The following VRK2 variants were observed in gnomAD, a reference collection of about 807,000 sequenced individuals.
The protein encoded by VRK2 is VRK serine/threonine kinase 2.
Under a neutral mutation model 57.6 loss-of-function variants are expected in VRK2, and 60 were observed. The ratio of observed to expected loss-of-function variants is 1.04; its 90% CI spans 0.85 to 1.29. The LOEUF (loss-of-function observed/expected upper bound fraction) is 1.29. Among genes scored for constraint, VRK2 ranks in the 50% most tolerant of loss-of-function variants. The pLI, the probability that VRK2 is intolerant of heterozygous loss-of-function variation, is 0.00. For synonymous variants in VRK2, 231 were observed against 199.2 expected (o/e 1.16, Z -1.35); for missense variants, 705 against 588.1 (o/e 1.20, Z -2.06).
At chr2:58,148,438 C>T (rs1447581815) in intron 12 of VRK2, among the ~76,000 whole-genome samples, 3 of 151,836 alleles carry the variant, frequency 2.0e-5, no homozygotes, top group African/African-American at 7.2e-5. Context: ...CCTCTCCTAG[C>T]ATGCGGCCTG....
chr2:58,028,303 C>T (rs1479532908), intron 2 of VRK2: 1 of 152,136 alleles, frequency 6.6e-6, no homozygotes, highest in Non-Finnish European at 1.5e-5. Context: ...TACAGCTCTA[C>T]ATCAAGGGTC....
At chr2:57,969,940 G>A (rs1215885981) in intron 1 of VRK2, among the ~76,000 whole-genome samples, 6 of 151,836 alleles carry the variant, frequency 4.0e-5, no homozygotes, top group Non-Finnish European at 5.9e-5. Context: ...CCTTGGTATG[G>A]ACGTGTTTCA....
intron 7 of VRK2, among the ~76,000 whole-genome samples, chr2:58,111,659 G>C (rs981758757): frequency 6.6e-6 from 1 of 152,048 alleles, no homozygotes; most frequent in Non-Finnish European, 1.5e-5. Flanking sequence ...TTACTACAAC[G>C]CAAATAATCA....
At chr2:58,125,750 A>G (rs1222534858) in intron 8 of VRK2, among the ~76,000 whole-genome samples, 1 of 152,130 alleles carries the variant, frequency 6.6e-6, no homozygotes, top group East Asian at 1.9e-4. Flanking sequence ...ATATATATGC[A>G]CATATGTACA....
intron 1 of VRK2, among the ~76,000 whole-genome samples, chr2:57,926,814 C>CCACTCT (rs1670554171): frequency 1.3e-5 from 2 of 151,264 alleles, no homozygotes. Context: ...ATCCATTCAG[C>CCACTCT]CACTCTGTGT....
At position 58,146,436 on chromosome 2, in the gene VRK2, G is replaced by C; in HGVS notation, c.1144G>C (p.Glu382Gln). The C allele has an allele frequency of 6.2e-7, 1 of 1,611,430 alleles. No individual in the cohort carries two copies. The change falls in exon 12 of 13, where the codon GAG (glutamate) becomes CAG (glutamine). Residue 382 changes from glutamate to glutamine, a missense_variant. Physicochemically the swap from Glu to Gln is conservative, Grantham distance 29 (BLOSUM62 2). Transcript: ENST00000340157. Reference sequence around the variant, plus strand: ...TGCAACATGGAAAGTGCAGAAAGAGGAGAAACTGATTGGATTGATGAACAA... The same window carrying C: ...TGCAACATGGAAAGTGCAGAAAGAGCAGAAACTGATTGGATTGATGAACAA... The part of the protein sequence containing the change: ...SCATWKVQKE[E>Q]KLIGLMNNEA...
intron 2 of VRK2, among the ~76,000 whole-genome samples, chr2:58,050,950 T>C (rs1675633455): frequency 6.6e-6 from 1 of 152,062 alleles, no homozygotes; most frequent in Non-Finnish European, 1.5e-5. Context: ...GTTCAAGCAA[T>C]TCTCATGCCT....
At chr2:58,094,767 A>G (rs918363202) in intron 7 of VRK2, among the ~76,000 whole-genome samples, 1 of 152,054 alleles carries the variant, frequency 6.6e-6, no homozygotes, top group African/African-American at 2.4e-5. Context: ...TACTTTTGTC[A>G]TATACTCAGT....
chr2:57,939,611 T>G (rs1401919877), intron 1 of VRK2, among the ~76,000 whole-genome samples: 1 of 152,206 alleles, frequency 6.6e-6, no homozygotes, highest in Non-Finnish European at 1.5e-5. Context: ...AAAATTATAT[T>G]ACATTTACCC....
chr2:57,915,453 G>A (rs1335773456), intron 1 of VRK2, among the ~76,000 whole-genome samples: 2 of 151,994 alleles, frequency 1.3e-5, no homozygotes, highest in Non-Finnish European at 2.9e-5. Context: ...AAGAAATCAG[G>A]TGAATGGATT....
chr2:58,027,832 G>A (rs1019771849), intron 2 of VRK2, among the ~76,000 whole-genome samples: 3 of 151,972 alleles, frequency 2.0e-5, no homozygotes, highest in African/African-American at 7.2e-5. Context: ...TAATAAAGGG[G>A]GAACAAAGTC....
intron 2 of VRK2, among the ~76,000 whole-genome samples, chr2:58,027,829 G>C (rs1356052158): frequency 6.6e-6 from 1 of 152,082 alleles, no homozygotes; most frequent in East Asian, 1.9e-4. Flanking sequence ...CAGTAATAAA[G>C]GGGGAACAAA....
At chr2:58,133,486 T>C (rs1480517028) in intron 9 of VRK2, among the ~76,000 whole-genome samples, 1 of 152,224 alleles carries the variant, frequency 6.6e-6, no homozygotes, top group African/African-American at 2.4e-5. Context: ...TGAGAAGGTA[T>C]GACACTGAAA....
At chr2:57,910,156 A>AT (rs1436276871) in intron 1 of VRK2, among the ~76,000 whole-genome samples, 1 of 151,074 alleles carries the variant, frequency 6.6e-6, no homozygotes, top group East Asian at 1.9e-4. Flanking sequence ...TCGTTGATCT[A>AT]TTTTCTACAA....
intron 1 of VRK2, among the ~76,000 whole-genome samples, chr2:57,984,257 T>C (rs1194443166): frequency 6.6e-6 from 1 of 152,042 alleles, no homozygotes; most frequent in Non-Finnish European, 1.5e-5. Flanking sequence ...CAAGAACACC[T>C]TGATATCACA....
chr2:58,068,830 C>T (rs201738279), intron 2 of VRK2, among the ~76,000 whole-genome samples: 10 of 130,322 alleles, frequency 7.7e-5, no homozygotes, highest in Non-Finnish European at 1.6e-4. Context: ...AAAAAAAAAA[C>T]AAAAACTCGG....
upstream of VRK2, among the ~76,000 whole-genome samples, chr2:58,045,843 C>CT (rs774363158): frequency 1.3e-3 from 204 of 152,038 alleles, 1 homozygote; most frequent in Non-Finnish European, 2.4e-3. Flanking sequence ...TACTATGAGT[C>CT]TTTTTTTTCT....
At chr2:58,048,474 A>C (rs913861350) in intron 1 of VRK2, 1 of 1,037,002 alleles carries the variant, frequency 9.6e-7, no homozygotes, top group African/African-American at 1.7e-5. Context: ...TTCCATGTAC[A>C]TGAAATTTAT....
At position 58,048,900 on chromosome 2, in the gene VRK2, T is replaced by TA; in HGVS notation, c.70dup (p.Met24AsnfsTer28). 1 of 1,614,036 alleles carries TA rather than the reference T, an allele frequency of 6.2e-7. No homozygotes were observed. The highest frequency in any genetic ancestry group is 8.5e-7 in the Non-Finnish European group (1 of 1,179,954). On this transcript the variant is annotated frameshift_variant, in exon 2 of 13. Coordinates refer to ENST00000340157, the MANE Select transcript of VRK2 (RefSeq NM_006296.7). LOFTEE classifies it high-confidence loss of function. ...TTCCAGAAGGCAAGGTTCTGGATGATATGGAAGGCAATCAGTGGGTACTGG... is the reference window on the plus strand; with the variant it reads ...TTCCAGAAGGCAAGGTTCTGGATGATAATGGAAGGCAATCAGTGGGTACTGG...
Sources: allele counts gnomAD v4.1 joint callset (sites outside exome capture counted in the v4.1 genomes callset), GRCh38; gene constraint gnomAD v4.1.1; transcripts MANE v1.5; gene names NCBI Gene and HGNC (gene_info 2026-07-23, HGNC 2026-07-21).